Variants in ADGRG4 observed in about 807,000 individuals in gnomAD.
The protein encoded by ADGRG4 is adhesion G protein-coupled receptor G4.
ADGRG4 carries 122 observed loss-of-function variants against 126.2 expected under a neutral mutation model. The observed-to-expected ratio is 0.97, with a 90% confidence interval of 0.83 to 1.12. The LOEUF (loss-of-function observed/expected upper bound fraction) is 1.12, where lower values mean the gene tolerates loss of function less well. Among genes scored for constraint, ADGRG4 ranks in the 50% most tolerant of loss-of-function variants. The pLI is 0.00. For missense variants in ADGRG4, 2,481 were observed against 2,251.8 expected (o/e 1.10, Z -2.06); for synonymous variants, 943 against 838.7 (o/e 1.12, Z -2.15).
rs184297677 is a variant in ADGRG4 at position 136,302,979 on chromosome X, T to C, written c.-253-1154T>C. ...TGGCTTCAGAGTCTGTTTTATTAGC[T>C]ACTATGGTGTACTGTCTCTCTTGTG... On this transcript the variant is annotated intron_variant, in intron 1 of 25. Coordinates refer to ENST00000394143, the MANE Select transcript of ADGRG4 (RefSeq NM_153834.4). 3.6e-5 allele frequency among the ~76,000 whole-genome samples: 4 copies of C among 111,420 alleles called. No individual in the cohort carries two copies. The East Asian group carries it at 1.1e-3, about 31-fold the overall frequency.
chrX:136,328,123 A>G (rs956867324), intron 5 of ADGRG4, among the ~76,000 whole-genome samples: 1 of 111,379 alleles, frequency 9.0e-6, no homozygotes, highest in Non-Finnish European at 1.9e-5. Flanking sequence ...AAATTTAATA[A>G]TATTTTTGGA....
In ADGRG4 at chrX:136,414,164, G is replaced by A. The variant is rs760849642; in HGVS notation, c.9042G>A (p.Gly3014=). Residue 3014 remains glycine (G), a synonymous_variant, in exon 25 of 26, where the codon GGG becomes GGA. Coordinates refer to ENST00000394143, the MANE Select transcript of ADGRG4 (RefSeq NM_153834.4). The stretch of plus-strand genomic sequence containing the variant: ...CTTTTCTTGGTATCATTTCAGATGG[G>A]AGCAGCCGGTGTCAGATAAAGGTTG... ...GWLRLDNSSD[G]SSRCQIKVGY... is the part of the protein sequence containing the mutation. 9 of 1,191,938 alleles carry A rather than the reference G, an allele frequency of 7.6e-6. No homozygotes were observed. In the Admixed American group the frequency reaches 2.1e-4, roughly 28 times the overall value.
rs1323672212 is a variant in ADGRG4, at chrX:136,346,084, C to T, written c.2378C>T (p.Ala793Val). ...TCAGTAGATATAATATCTACTCTTG[C>T]TTGCATTCAACCAAATTTTTCTACT... The part of the protein sequence containing the change: ...VPSVDIISTL[A>V]CIQPNFSTEE... Residue 793 changes from alanine to valine, a missense_variant, in exon 6 of 26, where the codon GCT (alanine) becomes GTT (valine). Physicochemically the swap from Ala to Val is moderately conservative, Grantham distance 64. Coordinates refer to ENST00000394143, the MANE Select transcript of ADGRG4 (RefSeq NM_153834.4). 1 of 1,207,986 alleles carries T rather than the reference C, an allele frequency of 8.3e-7. No individual in the cohort carries two copies. Among genetic ancestry groups the T allele is most frequent in the Non-Finnish European group, 1.1e-6 (1 of 893,668 alleles).
chrX:136,361,220 G>A (rs2075126302), intron 11 of ADGRG4, among the ~76,000 whole-genome samples: 1 of 108,348 alleles, frequency 9.2e-6, no homozygotes, highest in Admixed American at 1.0e-4. Flanking sequence ...ATACTGGGTG[G>A]TTTATTATTT....
chrX:136,389,580 A>G (rs1158319958), intron 16 of ADGRG4, among the ~76,000 whole-genome samples: 3 of 112,244 alleles, frequency 2.7e-5, no homozygotes, highest in Non-Finnish European at 5.6e-5. Flanking sequence ...CTCCTAACTC[A>G]TATCATCCCA....
rs1417173689 is a variant in ADGRG4 at position 136,348,848 on chromosome X, T to A, written c.5142T>A (p.Thr1714=). The change falls in exon 6 of 26, where the codon ACT becomes ACA. Residue 1714 remains threonine, a synonymous_variant. Transcript: ENST00000394143. The part of the protein sequence containing the change: ...QQSSQADEAT[T]LGILSGITNR... Reference sequence around the variant, plus strand: ...CATCACAAGCAGATGAGGCTACAACTTTGGGCATATTATCTGGGATTACTA... The same window carrying A: ...CATCACAAGCAGATGAGGCTACAACATTGGGCATATTATCTGGGATTACTA... 1.7e-6 allele frequency: 2 copies of A among 1,206,788 alleles called. No individual in the cohort carries two copies. The highest frequency in any genetic ancestry group is 6.0e-5 in the East Asian group (2 of 33,607).
At chrX:136,367,643 T>C (rs1441160342) in intron 13 of ADGRG4, among the ~76,000 whole-genome samples, 1 of 112,376 alleles carries the variant, frequency 8.9e-6, no homozygotes, top group Non-Finnish European at 1.9e-5. Context: ...AAAAGTAAAC[T>C]ATCAAGTTTA....
chrX:136,349,495 T>C lies in ADGRG4; in HGVS notation c.5789T>C (p.Val1930Ala), dbSNP rs2075044885. ...STFTASQTGL[V>A]SKDVMAMSSI... ...TTCACAGCCTCTCAGACTGGTCTAG[T>C]ATCTAAAGATGTCATGGCAATGTCA... The change falls in exon 6 of 26, where the codon GTA becomes GCA. Residue 1930 changes from valine to alanine, a missense_variant. Val to Ala is a moderately conservative substitution (Grantham distance 64). Coordinates refer to ENST00000394143, the MANE Select transcript of ADGRG4 (RefSeq NM_153834.4). 2 of 1,203,602 alleles carry C rather than the reference T, an allele frequency of 1.7e-6. No homozygotes were observed. Among genetic ancestry groups the C allele is most frequent in the Admixed American group, 2.2e-5 (1 of 45,970 alleles).
At chrX:136,319,386 TGTTA>T (rs910588472) in intron 4 of ADGRG4, among the ~76,000 whole-genome samples, 2 of 112,371 alleles carry the variant, frequency 1.8e-5, no homozygotes, top group African/African-American at 6.5e-5. Context: ...ATAACCTAAA[TGTTA>T]GTTATGATTG....
In ADGRG4 at chrX:136,357,707, G is replaced by C; in HGVS notation, c.6931G>C (p.Glu2311Gln). 1 of 1,185,164 alleles carries C rather than the reference G, an allele frequency of 8.4e-7. No homozygotes were observed. The highest frequency in any genetic ancestry group is 1.8e-5 in the South Asian group (1 of 55,538). The change falls in exon 10 of 26, where the codon GAA becomes CAA. Residue 2311 changes from glutamate (E) to glutamine (Q), a missense_variant. Transcript: ENST00000394143. ...ATGTACTTTTCTTTTGCATTAGTTG[G>C]AACAGAGAGAAGGACAAGAAATGGC... is the stretch of plus-strand genomic sequence containing the variant. Reference protein sequence around the residue: ...EEMVMDRAILEQREGQEMATI... With the variant: ...EEMVMDRAILQQREGQEMATI...
chrX:136,320,981 T>C (rs1175032263), intron 4 of ADGRG4, among the ~76,000 whole-genome samples: 1 of 111,071 alleles, frequency 9.0e-6, no homozygotes, highest in Non-Finnish European at 1.9e-5. Flanking sequence ...TTGTAGACCA[T>C]ATGAGATTAT....
At chrX:136,317,698 T>C (rs1037811277) in intron 4 of ADGRG4, among the ~76,000 whole-genome samples, 12 of 111,060 alleles carry the variant, frequency 1.1e-4, no homozygotes, top group Non-Finnish European at 2.1e-4. Context: ...TCTGATAAGG[T>C]TCTGGTATCC....
Position 136,347,259 on chromosome X carries a change from C to T in ADGRG4, c.3553C>T (p.Leu1185Phe). The change falls in exon 6 of 26, where the codon CTC becomes TTC. Residue 1185 changes from leucine (L) to phenylalanine (F), a missense_variant. Leu to Phe is a conservative substitution (Grantham distance 22, BLOSUM62 0). Transcript: ENST00000394143. ...AGTAGAGGAGACTTCTACCTATGCT[C>T]TCAGCTTCCCATATACTTTCAGTGG... The part of the protein sequence containing the change: ...SQVEETSTYA[L>F]SFPYTFSGGG... The T allele has an allele frequency of 8.3e-7, 1 of 1,211,291 alleles. No individual in the cohort carries two copies. The highest frequency in any genetic ancestry group is 1.1e-6 in the Non-Finnish European group (1 of 895,105).
At chrX:136,317,999 G>T (rs2074815972) in intron 4 of ADGRG4, among the ~76,000 whole-genome samples, 1 of 112,126 alleles carries the variant, frequency 8.9e-6, no homozygotes, top group South Asian at 3.7e-4. Context: ...CTCAATAAGT[G>T]AAACATAGAG....
chrX:136,376,769 C>T (rs1397008589), intron 15 of ADGRG4, among the ~76,000 whole-genome samples: 1 of 110,821 alleles, frequency 9.0e-6, no homozygotes, highest in East Asian at 2.8e-4. Flanking sequence ...TGGTGTATAG[C>T]AGTGCTGCTG....
Position 136,371,490 on chromosome X carries a change from T to C in ADGRG4, c.7559T>C (p.Val2520Ala), listed in dbSNP as rs368888176. 2.5e-6 allele frequency: 3 copies of C among 1,201,432 alleles called. No individual in the cohort carries two copies. The highest frequency in any genetic ancestry group is 4.4e-5 in the Admixed American group (2 of 45,037). ...CATGTTATGTTACAAATAATCAACG[T>C]TGTTTTGGAAAAGCAAAACAATTCC... Reference protein sequence around the residue: ...LTHVMLQIINVVLEKQNNSAS... With the variant: ...LTHVMLQIINAVLEKQNNSAS... Residue 2520 changes from valine (V) to alanine (A), a missense_variant, in exon 14 of 26, where the codon GTT becomes GCT. Val to Ala is a moderately conservative substitution (Grantham distance 64). Transcript: ENST00000394143.
rs751840361 is a variant in ADGRG4, at chrX:136,353,850, G to T, written c.6887+449G>T. Among the ~76,000 whole-genome samples, 6 of 112,149 alleles carry T rather than the reference G, an allele frequency of 5.4e-5. No homozygotes were observed. In the South Asian group the frequency reaches 2.2e-3, roughly 42 times the overall value. On this transcript the variant is annotated intron_variant, in intron 8 of 25. Coordinates refer to ENST00000394143, the MANE Select transcript of ADGRG4 (RefSeq NM_153834.4). ...AAGAATGTTGACTAATCCAAGATTTGCTTGGGGCACAAATTTCGAAAGGTG... is the reference window on the plus strand; with the variant it reads ...AAGAATGTTGACTAATCCAAGATTTTCTTGGGGCACAAATTTCGAAAGGTG...
At chrX:136,309,092 T>G (rs1196338429) in intron 4 of ADGRG4, among the ~76,000 whole-genome samples, 2 of 112,546 alleles carry the variant, frequency 1.8e-5, no homozygotes, top group African/African-American at 6.5e-5. Flanking sequence ...CCTTTGACAT[T>G]TCTTAAAGCA....
rs1321356828 is a variant in ADGRG4, at chrX:136,328,624, G to T, written c.685+5232G>T. 5.4e-5 allele frequency among the ~76,000 whole-genome samples: 6 copies of T among 112,005 alleles called. No homozygotes were observed. In the Admixed American group the frequency reaches 5.7e-4, roughly 11 times the overall value. On this transcript the variant is annotated intron_variant, in intron 5 of 25. Coordinates refer to ENST00000394143, the MANE Select transcript of ADGRG4 (RefSeq NM_153834.4). ...TCTGCGGGGTCATTGATTTGCTGAG[G>T]TTCGTTAATTGGTCTAATGCTCCAG...
Sources: allele counts gnomAD v4.1 joint callset (sites outside exome capture counted in the v4.1 genomes callset), GRCh38; gene constraint gnomAD v4.1.1; transcripts MANE v1.5; gene names NCBI Gene and HGNC (gene_info 2026-07-23, HGNC 2026-07-21).